Variants in TTC23L observed in about 807,000 individuals in gnomAD.
The protein encoded by TTC23L is tetratricopeptide repeat protein 23-like.
A neutral mutation model predicts 48.1 loss-of-function variants in TTC23L; 42 were observed. The ratio of observed to expected loss-of-function variants is 0.87; its 90% CI spans 0.68 to 1.13. The LOEUF is 1.13. Among genes scored for constraint, TTC23L ranks in the 50% most tolerant of loss-of-function variants. The probability of loss-of-function intolerance (pLI) is 0.00; values close to 1 mark genes in which losing one functional copy is unlikely to be tolerated. For missense variants in TTC23L, 391 were observed against 421.0 expected (o/e 0.93, Z 0.62); for synonymous variants, 159 against 157.2 (o/e 1.01, Z -0.09).
intron 1 of TTC23L, chr5:34,839,623 G>T: frequency 1.0e-6 from 1 of 985,342 alleles, no homozygotes; most frequent in South Asian, 4.7e-5. Flanking sequence ...CTCCCTTTCT[G>T]ATTTTCGGAT....
intron 4 of TTC23L, 22 bp from the exon 5 acceptor site, chr5:34,862,876 C>A (rs369127609): frequency 6.2e-7 from 1 of 1,612,840 alleles, no homozygotes; most frequent in Non-Finnish European, 8.5e-7. Context: ...TCTTCTTGCT[C>A]CTCACCCTCT....
At chr5:34,843,192 G>A (rs549119429) in intron 2 of TTC23L, among the ~76,000 whole-genome samples, 3 of 152,290 alleles carry the variant, frequency 2.0e-5, no homozygotes, top group African/African-American at 7.2e-5. Flanking sequence ...AAAATGTCAA[G>A]TTCACAGTAA....
intron 4 of TTC23L, among the ~76,000 whole-genome samples, chr5:34,852,710 C>T (rs1182875459): frequency 6.6e-6 from 1 of 152,060 alleles, no homozygotes; most frequent in East Asian, 1.9e-4. Flanking sequence ...TAGCTTAAAT[C>T]GAGAATGAAA....
chr5:34,891,882 G>T (rs143263854), intron 9 of TTC23L, among the ~76,000 whole-genome samples: 6 of 152,212 alleles, frequency 3.9e-5, no homozygotes, highest in Admixed American at 2.0e-4. Context: ...GACCTTAGGT[G>T]GTATGAGTTT....
chr5:34,875,299 G>A (rs1761751955), intron 8 of TTC23L, among the ~76,000 whole-genome samples: 1 of 152,084 alleles, frequency 6.6e-6, no homozygotes, highest in South Asian at 2.1e-4. Flanking sequence ...TCTCTAGAGG[G>A]ACATAACTAA....
chr5:34,877,506 C>T (rs1292181761), intron 8 of TTC23L, among the ~76,000 whole-genome samples: 1 of 151,868 alleles, frequency 6.6e-6, no homozygotes, highest in Non-Finnish European at 1.5e-5. Flanking sequence ...TCACTGCAAT[C>T]TCTGCCTTCT....
the TTC23L span, chr5:34,922,751 C>T: frequency 1.7e-5 from 27 of 1,613,866 alleles, no homozygotes; most frequent in Middle Eastern, 1.6e-4. Flanking sequence ...TTCTCGGCCC[C>T]TTTTGTCTTT....
chr5:34,870,791 G>A (rs1230588776), intron 8 of TTC23L, among the ~76,000 whole-genome samples: 1 of 152,136 alleles, frequency 6.6e-6, no homozygotes, highest in African/African-American at 2.4e-5. Context: ...GTGATCAAGT[G>A]AAGTTTTTTC....
chr5:34,887,995 A>G (rs888268124), intron 9 of TTC23L, among the ~76,000 whole-genome samples: 3 of 152,206 alleles, frequency 2.0e-5, no homozygotes, highest in African/African-American at 4.8e-5. Context: ...TTCAAAATTC[A>G]TATGTTGAAA....
chr5:34,839,243 T>C (rs920317212), exon 1 of TTC23L: 7 of 152,710 alleles, frequency 4.6e-5, no homozygotes, highest in African/African-American at 1.7e-4. Flanking sequence ...AGGCACCGCT[T>C]TGGCGCCCGG....
chr5:34,858,636 G>A (rs762003283), intron 4 of TTC23L, among the ~76,000 whole-genome samples: 15 of 151,754 alleles, frequency 9.9e-5, no homozygotes, highest in Non-Finnish European at 1.6e-4. Context: ...GTATTGATGT[G>A]TTATGTAATA....
At chr5:34,840,831 C>T in intron 2 of TTC23L, 92 bp downstream of exon 2, 13 of 1,210,122 alleles carry the variant, frequency 1.1e-5, no homozygotes, top group Non-Finnish European at 1.6e-5. Context: ...AGGAGCTTTG[C>T]ATGAGAAGCG....
chr5:34,899,883 C>T (rs762838455), downstream of TTC23L, among the ~76,000 whole-genome samples: 5 of 151,942 alleles, frequency 3.3e-5, no homozygotes, highest in Non-Finnish European at 7.4e-5. Context: ...ATAGAGACTG[C>T]GTCTCAAAAA....
chr5:34,869,116 T>TTACA, intron 8 of TTC23L, 103 bp downstream of exon 8: 1 of 945,694 alleles, frequency 1.1e-6, no homozygotes, highest in Non-Finnish European at 1.6e-6. Context: ...ATTCCTGTAA[T>TTACA]GGAAAAATTA....
the TTC23L span, chr5:34,911,474 AT>A: frequency 1.3e-6 from 2 of 1,506,760 alleles, no homozygotes; most frequent in East Asian, 2.3e-5. Context: ...GATAATAAAA[AT>A]TTTGCATCCT....
At chr5:34,851,278 A>G (rs1445947825) in intron 4 of TTC23L, among the ~76,000 whole-genome samples, 1 of 152,232 alleles carries the variant, frequency 6.6e-6, no homozygotes, top group Non-Finnish European at 1.5e-5. Context: ...TTTGAAGGCT[A>G]CAGGAAAAGG....
chr5:34,862,601 G>A (rs922421595), intron 4 of TTC23L, among the ~76,000 whole-genome samples: 5 of 152,116 alleles, frequency 3.3e-5, no homozygotes, highest in Admixed American at 6.5e-5. Context: ...ACTGAGGTAC[G>A]AAGGCTAATG....
the TTC23L span, chr5:34,922,052 G>C: frequency 6.6e-5 from 27 of 409,408 alleles, no homozygotes; most frequent in Non-Finnish European, 1.2e-4. Flanking sequence ...TACCTAAGAG[G>C]AACTTTAAAG....
chr5:34,866,859 T>C, intron 6 of TTC23L, 33 bp from the exon 7 acceptor site: 2 of 1,538,080 alleles, frequency 1.3e-6, no homozygotes, highest in East Asian at 2.4e-5. Flanking sequence ...GTGGCCTCTC[T>C]GTGACTTTCT....
Sources: allele counts gnomAD v4.1 joint callset (sites outside exome capture counted in the v4.1 genomes callset), GRCh38; gene constraint gnomAD v4.1.1; transcripts MANE v1.5; gene names NCBI Gene and HGNC (gene_info 2026-07-23, HGNC 2026-07-21).